Variants in BDKRB2 observed in about 807,000 individuals in gnomAD.
BDKRB2 encodes the protein bradykinin receptor B2.
Under a neutral mutation model 4.0 loss-of-function variants are expected in BDKRB2, and 6 were observed. That is an observed-to-expected ratio of 1.49 (90% confidence interval 0.81 to 2.93). The LOEUF is 2.93. BDKRB2 is among the 30% of genes most tolerant of loss of function. The pLI, the probability that BDKRB2 is intolerant of heterozygous loss-of-function variation, is 0.00. For synonymous variants in BDKRB2, 225 were observed against 215.3 expected, an observed-to-expected ratio of 1.05 and a Z score of -0.40; for missense variants, 478 against 520.1, an observed-to-expected ratio of 0.92 and a Z score of 0.79.
rs199770767 is a variant in BDKRB2 at position 96,240,655 on chromosome 14, G to A, written c.327G>A (p.Gly109=). The change falls in exon 3 of 3, where the codon GGG becomes GGA. Residue 109 remains glycine (G), a synonymous_variant. Coordinates refer to ENST00000554311, the MANE Select transcript of BDKRB2 (RefSeq NM_001379692.1). Reference sequence around the variant, plus strand: ...CAGCAGACCTGATCCTGGCCTGCGGGCTGCCCTTCTGGGCCATCACCATCT... The same window carrying A: ...CAGCAGACCTGATCCTGGCCTGCGGACTGCCCTTCTGGGCCATCACCATCT... ...LAAADLILAC[G]LPFWAITISN... is the part of the protein sequence containing the mutation. 6.2e-5 allele frequency: 97 copies of A among 1,574,692 alleles called. No individual in the cohort carries two copies. The highest frequency in any genetic ancestry group is 7.4e-5 in the Non-Finnish European group (86 of 1,163,470).
intron 1 of BDKRB2, among the ~76,000 whole-genome samples, chr14:96,206,899 G>T (rs930990333): frequency 6.6e-6 from 1 of 152,154 alleles, no homozygotes; most frequent in Non-Finnish European, 1.5e-5. Context: ...CAAGGCACTG[G>T]CAGATTGGGT....
At chr14:96,213,924 C>G (rs6575577) in intron 1 of BDKRB2, among the ~76,000 whole-genome samples, 45,651 of 152,088 alleles carry the variant, frequency 0.3, 6,942 homozygotes, top group South Asian at 0.43. Flanking sequence ...TCCTGCCTCC[C>G]TACATAAGCA....
At chr14:96,239,448 T>G in intron 2 of BDKRB2, 13 of 985,200 alleles carry the variant, frequency 1.3e-5, no homozygotes, top group Non-Finnish European at 1.6e-5. Flanking sequence ...CAGCAACAAG[T>G]CTAGAAAGGT....
At chr14:96,212,686 A>G (rs1566687720) in intron 1 of BDKRB2, among the ~76,000 whole-genome samples, 1 of 152,198 alleles carries the variant, frequency 6.6e-6, no homozygotes, top group Non-Finnish European at 1.5e-5. Flanking sequence ...ACAGCAGTGC[A>G]GTCTTCACTG....
intron 1 of BDKRB2, among the ~76,000 whole-genome samples, chr14:96,226,381 C>T (rs1166282612): frequency 2.6e-5 from 4 of 152,180 alleles, no homozygotes; most frequent in African/African-American, 7.2e-5. Flanking sequence ...AGGCCAGGTG[C>T]GGTGACTCAA....
chr14:96,239,106 T>C, intron 2 of BDKRB2: 1 of 985,252 alleles, frequency 1.0e-6, no homozygotes, highest in Non-Finnish European at 1.2e-6. Flanking sequence ...TCTTCCTCCA[T>C]GAGCCTGACT....
intron 1 of BDKRB2, among the ~76,000 whole-genome samples, chr14:96,215,145 A>T (rs1409863878): frequency 6.6e-6 from 1 of 152,246 alleles, no homozygotes; most frequent in Non-Finnish European, 1.5e-5. Flanking sequence ...CTATGATCCC[A>T]TGCTCAAAGA....
At chr14:96,236,932 G>A (rs1312570847) in intron 1 of BDKRB2, 137 bp from the exon 2 acceptor site, 32 of 632,704 alleles carry the variant, frequency 5.1e-5, no homozygotes, top group Middle Eastern at 8.3e-4. Flanking sequence ...CCCTAGCACC[G>A]CTGTGTGGGA....
intron 1 of BDKRB2, chr14:96,233,687 TG>T (rs1458857412): frequency 6.6e-6 from 1 of 152,138 alleles, no homozygotes; most frequent in Non-Finnish European, 1.5e-5. Context: ...AGTGACACTA[TG>T]TATTTCGTGG....
intron 1 of BDKRB2, chr14:96,211,243 C>T (rs1261061307): frequency 6.6e-6 from 1 of 152,260 alleles, no homozygotes; most frequent in Non-Finnish European, 1.5e-5. Context: ...CTGCTGTGCT[C>T]TAAGAGTGCA....
intron 1 of BDKRB2, among the ~76,000 whole-genome samples, chr14:96,208,436 C>T (rs1231391667): frequency 6.6e-6 from 1 of 152,224 alleles, no homozygotes; most frequent in Non-Finnish European, 1.5e-5. Flanking sequence ...AATTCACCGT[C>T]ACTTACTGGC....
Position 96,241,601 on chromosome 14 carries a change from G to C in BDKRB2, c.*97G>C, listed in dbSNP as rs199878458. 6.2e-6 allele frequency: 9 copies of C among 1,449,318 alleles called. No individual in the cohort carries two copies. Among genetic ancestry groups the C allele is most frequent in the African/African-American group, 4.2e-5 (3 of 70,696 alleles). The allele number at this position is 1,449,318 out of a possible 1,614,324, so 89.8% of individuals were successfully genotyped here. ...GAATGCCAAGGAGACATCTATGCAC[G>C]ACCTTGGGAAATGAGTTGATGTCTC... On this transcript the variant is annotated 3_prime_UTR_variant, in exon 3 of 3. Coordinates refer to ENST00000554311, the MANE Select transcript of BDKRB2 (RefSeq NM_001379692.1).
chr14:96,226,727 G>A (rs1057491893), intron 1 of BDKRB2, among the ~76,000 whole-genome samples: 4 of 152,104 alleles, frequency 2.6e-5, no homozygotes, highest in African/African-American at 7.2e-5. Context: ...CTGGCTGTGT[G>A]TCCTGGTAGA....
intron 1 of BDKRB2, among the ~76,000 whole-genome samples, chr14:96,208,673 CT>C (rs2139764387): frequency 6.6e-6 from 1 of 152,304 alleles, no homozygotes; most frequent in Admixed American, 6.5e-5. Context: ...GCCATGGCCG[CT>C]TAAGGGTGTC....
chr14:96,233,747 A>G (rs543211847), intron 1 of BDKRB2: 4 of 152,264 alleles, frequency 2.6e-5, no homozygotes, highest in African/African-American at 9.6e-5. Context: ...GGAAACCAAA[A>G]CAGGCTGTCT....
Position 96,241,523 on chromosome 14 carries a change from G to T in BDKRB2, c.*19G>T, listed in dbSNP as rs200522627. ...ACAGTGAGCAAACGCCAGCAGGGCT[G>T]CTGTGAATTTGTGTAAGGATTGAGG... On this transcript the variant is annotated 3_prime_UTR_variant, in exon 3 of 3. Coordinates refer to ENST00000554311, the MANE Select transcript of BDKRB2 (RefSeq NM_001379692.1). The T allele has an allele frequency of 9.3e-6, 14 of 1,509,602 alleles. No homozygotes were observed. In the African/African-American group the frequency reaches 1.9e-4, roughly 21 times the overall value. The allele number at this position is 1,509,602 out of a possible 1,614,324, so 93.5% of individuals were successfully genotyped here.
At chr14:96,222,274 C>G (rs1321976922) in intron 1 of BDKRB2, among the ~76,000 whole-genome samples, 1 of 152,094 alleles carries the variant, frequency 6.6e-6, no homozygotes, top group Non-Finnish European at 1.5e-5. Flanking sequence ...TCAGCACTTC[C>G]CTGCGTTCAC....
chr14:96,216,209 C>T (rs538018469), intron 1 of BDKRB2, among the ~76,000 whole-genome samples: 26 of 152,324 alleles, frequency 1.7e-4, no homozygotes, highest in African/African-American at 6.3e-4. Flanking sequence ...CACATATAGC[C>T]TGTGCCTTAG....
intron 1 of BDKRB2, among the ~76,000 whole-genome samples, chr14:96,208,993 C>T (rs76143595): frequency 2.2e-4 from 34 of 152,304 alleles, no homozygotes; most frequent in African/African-American, 7.9e-4. Context: ...CCCGTCGCTT[C>T]TGTGGTTCTT....
Sources: allele counts gnomAD v4.1 joint callset (sites outside exome capture counted in the v4.1 genomes callset), GRCh38; gene constraint gnomAD v4.1.1; transcripts MANE v1.5; gene names NCBI Gene and HGNC (gene_info 2026-07-23, HGNC 2026-07-21).